ROBO2: variants seen among roughly 807,000 people sequenced by gnomAD.
The protein encoded by ROBO2 is roundabout homolog 2.
ROBO2 carries 53 observed loss-of-function variants against 160.8 expected under a neutral mutation model. The observed-to-expected ratio is 0.33, with a 90% CI of 0.26 to 0.41. The LOEUF (loss-of-function observed/expected upper bound fraction) is 0.41, where lower values mean the gene tolerates loss of function less well. Ranked by LOEUF, ROBO2 falls within the 10% of genes least tolerant of loss-of-function variation. The probability of loss-of-function intolerance (pLI) is 1.00; values close to 1 mark genes in which losing one functional copy is unlikely to be tolerated. For synonymous variants in ROBO2, 664 were observed against 611.7 expected (o/e 1.09, Z -1.26); for missense variants, 1,577 against 1,722.4 (o/e 0.92, Z 1.49).
At chr3:76,501,284 C>A (rs558804581) in intron 2 of ROBO2, among the ~76,000 whole-genome samples, 104 of 152,228 alleles carry the variant, frequency 6.8e-4, no homozygotes, top group African/African-American at 2.5e-3. Flanking sequence ...TTTGTCTTCT[C>A]AAGGGAGGGA....
chr3:77,138,603 A>G (rs1245364308), intron 2 of ROBO2, among the ~76,000 whole-genome samples: 1 of 152,250 alleles, frequency 6.6e-6, no homozygotes, highest in African/African-American at 2.4e-5. Context: ...GGATTCACAT[A>G]TGTCTTAAAA....
chr3:76,478,686 T>TA (rs1448267643), intron 2 of ROBO2, among the ~76,000 whole-genome samples: 8 of 150,314 alleles, frequency 5.3e-5, no homozygotes, highest in African/African-American at 2.0e-4. Flanking sequence ...CTCTGTTTTT[T>TA]TTTTTTTTTT....
intron 24 of ROBO2, among the ~76,000 whole-genome samples, chr3:77,636,606 A>G (rs1382538946): frequency 6.6e-6 from 1 of 152,068 alleles, no homozygotes; most frequent in African/African-American, 2.4e-5. Context: ...AAAAAAAGAA[A>G]AGGAAGAAGG....
intron 6 of ROBO2, among the ~76,000 whole-genome samples, chr3:77,537,521 C>T (rs1342464537): frequency 6.6e-6 from 1 of 151,984 alleles, no homozygotes; most frequent in Non-Finnish European, 1.5e-5. Flanking sequence ...TCATTCTATT[C>T]TCTTTGATTA....
Position 76,495,144 on chromosome 3 carries a change from G to A in ROBO2, c.109+557542G>A, listed in dbSNP as rs77923974. 4.0e-5 allele frequency among the ~76,000 whole-genome samples: 6 copies of A among 151,680 alleles called. No individual in the cohort carries two copies. The East Asian group carries it at 1.2e-3, about 29-fold the overall frequency. ...ATAGATGAAGACAAATATAGCCTAT[G>A]GAATCTAACTCTTTAGTATACCATT... On this transcript the variant is annotated intron_variant, in intron 2 of 26. Coordinates refer to the ROBO2 transcript ENST00000487694.
chr3:76,601,771 T>C (rs1436952836), intron 2 of ROBO2, among the ~76,000 whole-genome samples: 1 of 152,212 alleles, frequency 6.6e-6, no homozygotes, highest in African/African-American at 2.4e-5. Flanking sequence ...GGGATTAACA[T>C]TGCCATTCCA....
At chr3:76,993,891 A>AC (rs1208089323) in intron 2 of ROBO2, among the ~76,000 whole-genome samples, 1 of 151,904 alleles carries the variant, frequency 6.6e-6, no homozygotes, top group African/African-American at 2.4e-5. Context: ...TGTAAAAAAA[A>AC]AAAACAAAAC....
rs1007148053 is a variant in ROBO2 at position 76,510,131 on chromosome 3, G to A, written c.109+572529G>A. Among the ~76,000 whole-genome samples the A allele has an allele frequency of 3.3e-5, 5 of 152,258 alleles. No homozygotes were observed. The South Asian group carries it at 6.2e-4, about 19-fold the overall frequency. On this transcript the variant is annotated intron_variant, in intron 2 of 26. Transcript: ENST00000487694. ...ATGATGCCCTACATGAGAACAAGAC[G>A]TGCATGCATTACTCACTGTGATTTC... is the stretch of plus-strand genomic sequence containing the variant.
At chr3:77,350,971 T>G (rs1042518608) in intron 2 of ROBO2, among the ~76,000 whole-genome samples, 1 of 152,368 alleles carries the variant, frequency 6.6e-6, no homozygotes, top group Middle Eastern at 3.4e-3. Flanking sequence ...TTTTTAATGC[T>G]TGCATGTATG....
At chr3:76,523,786 T>G (rs1223881640) in intron 2 of ROBO2, among the ~76,000 whole-genome samples, 1 of 152,112 alleles carries the variant, frequency 6.6e-6, no homozygotes, top group Non-Finnish European at 1.5e-5. Flanking sequence ...CAATGCTAAA[T>G]AGTAAATGCT....
At chr3:76,484,398 T>A (rs1021636593) in intron 2 of ROBO2, among the ~76,000 whole-genome samples, 1 of 152,164 alleles carries the variant, frequency 6.6e-6, no homozygotes, top group African/African-American at 2.4e-5. Context: ...TAAGTATCTG[T>A]TGTGTGTCAG....
intron 2 of ROBO2, among the ~76,000 whole-genome samples, chr3:76,793,354 C>T (rs185855534): frequency 1.3e-5 from 2 of 151,980 alleles, no homozygotes; most frequent in East Asian, 1.9e-4. Flanking sequence ...CCAAGATCCA[C>T]ATTGCTAATA....
chr3:77,453,117 A>G (rs2081288093), intron 2 of ROBO2, among the ~76,000 whole-genome samples: 1 of 152,062 alleles, frequency 6.6e-6, no homozygotes, highest in Non-Finnish European at 1.5e-5. Context: ...ATCTTATTCT[A>G]TTTTCTTATT....
intron 2 of ROBO2, among the ~76,000 whole-genome samples, chr3:77,403,573 A>AGTGTGTGT (rs57545425): frequency 1.8e-4 from 23 of 129,432 alleles, no homozygotes; most frequent in Non-Finnish European, 3.4e-4. Context: ...TAGTTATTTC[A>AGTGTGTGT]GTGTGTGTGT....
At chr3:77,513,609 C>A (rs1301607368) in intron 5 of ROBO2, among the ~76,000 whole-genome samples, 1 of 151,776 alleles carries the variant, frequency 6.6e-6, no homozygotes, top group African/African-American at 2.4e-5. Flanking sequence ...ATGTTGCATG[C>A]AAACTGTGGG....
chr3:76,183,168 G>A (rs1369360716), intron 2 of ROBO2, among the ~76,000 whole-genome samples: 1 of 152,126 alleles, frequency 6.6e-6, no homozygotes. Context: ...CCAGCAGAGT[G>A]TACACAAATG....
chr3:76,314,676 C>T (rs1056522684), intron 2 of ROBO2, among the ~76,000 whole-genome samples: 7 of 152,138 alleles, frequency 4.6e-5, no homozygotes, highest in Non-Finnish European at 7.4e-5. Flanking sequence ...CTCTTCCTTA[C>T]GATTTTCTTA....
intron 2 of ROBO2, among the ~76,000 whole-genome samples, chr3:76,515,751 C>A (rs1018231515): frequency 7.9e-5 from 12 of 152,072 alleles, no homozygotes; most frequent in African/African-American, 2.9e-4. Context: ...AGAAAGAAAA[C>A]CACTGAATGG....
chr3:76,354,854 A>G (rs1365788888), intron 2 of ROBO2, among the ~76,000 whole-genome samples: 1 of 151,874 alleles, frequency 6.6e-6, no homozygotes, highest in Non-Finnish European at 1.5e-5. Context: ...ACTTTTTATG[A>G]GATTTTTTGT....
Sources: allele counts gnomAD v4.1 joint callset (sites outside exome capture counted in the v4.1 genomes callset), GRCh38; gene constraint gnomAD v4.1.1; transcripts MANE v1.5; gene names NCBI Gene and HGNC (gene_info 2026-07-23, HGNC 2026-07-21).